The following ADAMTS3 variants were observed in gnomAD, a reference collection of about 807,000 sequenced individuals.
ADAMTS3 encodes the protein A disintegrin and metalloproteinase with thrombospondin motifs 3.
A neutral mutation model predicts 129.0 loss-of-function variants in ADAMTS3; 73 were observed. The observed-to-expected ratio is 0.57, with a 90% CI of 0.47 to 0.69. The LOEUF (loss-of-function observed/expected upper bound fraction) is 0.69, where lower values mean the gene tolerates loss of function less well. Ranked by LOEUF, ADAMTS3 falls within the 30% of genes least tolerant of loss-of-function variation. The pLI, the probability that ADAMTS3 is intolerant of heterozygous loss-of-function variation, is 0.00. For missense variants in ADAMTS3, 1,457 were observed against 1,514.5 expected (o/e 0.96, Z 0.63); for synonymous variants, 477 against 510.8 (o/e 0.93, Z 0.89).
rs1718434158 is a variant in ADAMTS3, at chr4:72,284,057, C to A, written c.3050-353G>T. 2.6e-5 allele frequency among the ~76,000 whole-genome samples: 4 copies of A among 152,064 alleles called. 2 individuals carry two copies. In the South Asian group the frequency reaches 8.3e-4, roughly 31 times the overall value. ...GTTAAATTTTTAGGATGCAAAGGGG[C>A]ATCTGTATTTTTATTTTATGGTATT... On this transcript the variant is annotated intron_variant, in intron 21 of 21. Coordinates refer to ENST00000286657, the MANE Select transcript of ADAMTS3 (RefSeq NM_014243.3).
At chr4:72,408,579 A>C (rs933860418) in intron 4 of ADAMTS3, among the ~76,000 whole-genome samples, 4 of 152,160 alleles carry the variant, frequency 2.6e-5, no homozygotes, top group Non-Finnish European at 5.9e-5. Flanking sequence ...AAATATATTC[A>C]GCACCTGAGT....
chr4:72,560,667 A>G (rs1276229398), intron 2 of ADAMTS3, among the ~76,000 whole-genome samples: 2 of 152,102 alleles, frequency 1.3e-5, no homozygotes, highest in Non-Finnish European at 2.9e-5. Flanking sequence ...GGGGAGCAAC[A>G]CACGCTGGGG....
chr4:72,345,595 T>C (rs1200520530), intron 4 of ADAMTS3, among the ~76,000 whole-genome samples: 3 of 152,136 alleles, frequency 2.0e-5, no homozygotes, highest in African/African-American at 7.2e-5. Context: ...GGTCAAGTTA[T>C]GATGTCAATT....
At position 72,447,696 on chromosome 4, in the gene ADAMTS3, C is replaced by CA. The variant is rs1718295004; in HGVS notation, c.505-32726dup. On this transcript the variant is annotated intron_variant, in intron 3 of 21. Transcript: ENST00000286657. ...CCATCTTCAACATCTGCATCTTCTT[C>CA]ATCTACACATTTTGCAGTAGATTAC... is the stretch of plus-strand genomic sequence containing the variant. 2.0e-5 allele frequency among the ~76,000 whole-genome samples: 3 copies of CA among 151,664 alleles called. No homozygotes were observed. The East Asian group carries it at 5.9e-4, about 30-fold the overall frequency.
At chr4:72,338,386 A>G (rs1272631235) in intron 5 of ADAMTS3, among the ~76,000 whole-genome samples, 2 of 152,198 alleles carry the variant, frequency 1.3e-5, no homozygotes, top group Non-Finnish European at 2.9e-5. Context: ...AACAGAAATT[A>G]GTGCCAAGAA....
rs1182642409 is a variant in ADAMTS3, at chr4:72,550,081, GGAA to G, written c.98-1200_98-1198del. 1.8e-3 allele frequency among the ~76,000 whole-genome samples: 48 copies of G among 26,042 alleles called. 11 individuals carry two copies. The highest frequency in any genetic ancestry group is 0.013 in the African/African-American group (47 of 3,746). The allele number at this position is 26,042 out of a possible 152,430, so 17.1% of individuals were successfully genotyped here. ...AGGAAGAGGAAGAGGAAGAGGAAGA[GGAA>G]GAAGAAGAAGAAGAAGAAGAAGAAG... On this transcript the variant is annotated intron_variant, in intron 2 of 21. Transcript: ENST00000286657.
Position 72,281,312 on chromosome 4 carries a change from GTA to G in ADAMTS3, c.*1822_*1823del, listed in dbSNP as rs1389683256. The G allele has an allele frequency of 6.6e-6, 1 of 152,524 alleles. No homozygotes were observed. Among genetic ancestry groups the G allele is most frequent in the African/African-American group, 2.4e-5 (1 of 41,436 alleles). 9.4% of individuals were successfully genotyped at this position (152,524 alleles called of 1,614,324 possible). On this transcript the variant is annotated 3_prime_UTR_variant, in exon 22 of 22. Transcript: ENST00000286657. ...ACAAAGTAGCAGCAATTCTTTAGAG[GTA>G]TAGAGTCAATAGTTTAAGCTGTTAG... is the stretch of plus-strand genomic sequence containing the variant.
At chr4:72,482,138 A>T (rs1375572098) in intron 3 of ADAMTS3, among the ~76,000 whole-genome samples, 3 of 152,044 alleles carry the variant, frequency 2.0e-5, no homozygotes, top group Admixed American at 2.0e-4. Flanking sequence ...ACAATCCAGA[A>T]ATTTCACTCT....
At chr4:72,508,139 A>G (rs73825565) in intron 3 of ADAMTS3, among the ~76,000 whole-genome samples, 2,582 of 152,278 alleles carry the variant, frequency 0.017, 66 homozygotes, top group African/African-American at 0.058. Flanking sequence ...TAAAATATTC[A>G]TAAGTCATTA....
chr4:72,300,113 C>CT (rs996677668), intron 17 of ADAMTS3, among the ~76,000 whole-genome samples: 21 of 151,258 alleles, frequency 1.4e-4, no homozygotes, highest in Admixed American at 2.6e-4. Flanking sequence ...TTTTTTCTGT[C>CT]TTTTTTTTTA....
intron 3 of ADAMTS3, among the ~76,000 whole-genome samples, chr4:72,481,185 T>C (rs74986144): frequency 0.04 from 6,102 of 152,236 alleles, 148 homozygotes; most frequent in Non-Finnish European, 0.048. Flanking sequence ...ATATTTTTCA[T>C]AGATATAGAC....
At chr4:72,521,450 A>G (rs788942) in intron 3 of ADAMTS3, among the ~76,000 whole-genome samples, 151,579 of 152,326 alleles carry the variant, frequency 1, 75,422 homozygotes, top group Middle Eastern at 1. Flanking sequence ...TTCAAAAGGT[A>G]TTAAAAGCAG....
intron 3 of ADAMTS3, among the ~76,000 whole-genome samples, chr4:72,502,611 G>C (rs1720054246): frequency 6.6e-6 from 1 of 152,034 alleles, no homozygotes; most frequent in South Asian, 2.1e-4. Flanking sequence ...ATTTCATTCA[G>C]TTCTTTTCTG....
At chr4:72,344,975 T>C (rs1019515759) in intron 4 of ADAMTS3, among the ~76,000 whole-genome samples, 3 of 152,146 alleles carry the variant, frequency 2.0e-5, no homozygotes, top group African/African-American at 7.2e-5. Flanking sequence ...CTAAAATACA[T>C]GACACTCAGA....
At chr4:72,503,786 G>A (rs77549253) in intron 3 of ADAMTS3, among the ~76,000 whole-genome samples, 7,096 of 152,164 alleles carry the variant, frequency 0.047, 186 homozygotes, top group African/African-American at 0.063. Context: ...CTCCAATGTT[G>A]GATGTGTATA....
intron 4 of ADAMTS3, among the ~76,000 whole-genome samples, chr4:72,383,524 A>T (rs940375890): frequency 7.9e-5 from 12 of 152,216 alleles, no homozygotes; most frequent in Non-Finnish European, 1.8e-4. Flanking sequence ...AAAGTCATAG[A>T]AGGTGACTTC....
intron 4 of ADAMTS3, among the ~76,000 whole-genome samples, chr4:72,375,361 G>T (rs1721110294): frequency 6.6e-6 from 1 of 152,148 alleles, no homozygotes; most frequent in Non-Finnish European, 1.5e-5. Context: ...CCTACTACGT[G>T]CCCAGCACTC....
At position 72,310,373 on chromosome 4, in the gene ADAMTS3, C is replaced by A. The variant is rs553722206; in HGVS notation, c.2055+675G>T. ...GGTACTGCGGCAGGTAAAAGCTGAA[C>A]AACACATACTATGCTTTCAGGAAAA... On this transcript the variant is annotated intron_variant, in intron 14 of 21. Transcript: ENST00000286657. Among the ~76,000 whole-genome samples the A allele has an allele frequency of 7.0e-4, 106 of 152,138 alleles. 1 individual carries two copies. In the Middle Eastern group the frequency reaches 0.02, roughly 29 times the overall value.
At chr4:72,522,847 G>A (rs1050309608) in intron 3 of ADAMTS3, among the ~76,000 whole-genome samples, 1 of 151,986 alleles carries the variant, frequency 6.6e-6, no homozygotes, top group African/African-American at 2.4e-5. Context: ...GACAGTGTTT[G>A]AAAAAAGGAA....
Sources: allele counts gnomAD v4.1 joint callset (sites outside exome capture counted in the v4.1 genomes callset), GRCh38; gene constraint gnomAD v4.1.1; transcripts MANE v1.5; gene names NCBI Gene and HGNC (gene_info 2026-07-23, HGNC 2026-07-21).